Variants in NTMT1 observed in about 807,000 individuals in gnomAD.
The protein encoded by NTMT1 is N-terminal RCC1 methyltransferase.
A neutral mutation model predicts 17.5 loss-of-function variants in NTMT1; 8 were observed. That is an observed-to-expected ratio of 0.46 (90% CI 0.27 to 0.82). The LOEUF (loss-of-function observed/expected upper bound fraction) is 0.82. NTMT1 is among the 40% of genes least tolerant of loss of function. NTMT1 has a pLI of 0.15. For missense variants in NTMT1, 221 were observed against 303.5 expected (o/e 0.73, Z 2.02); for synonymous variants, 128 against 126.8 (o/e 1.01, Z -0.06).
upstream of NTMT1, among the ~76,000 whole-genome samples, chr9:129,623,910 C>T (rs4329364): frequency 0.97 from 144,052 of 148,006 alleles, 70,127 homozygotes; most frequent in Middle Eastern, 0.99. Context: ...TCTCCTGCCT[C>T]AGCCTCCCGA....
At chr9:129,611,400 C>T (rs917434453) in intron 1 of NTMT1, among the ~76,000 whole-genome samples, 1 of 152,216 alleles carries the variant, frequency 6.6e-6, no homozygotes, top group African/African-American at 2.4e-5. Context: ...CCTTGTCTTT[C>T]GCCACCTCCT....
chr9:129,615,353 C>T, intron 1 of NTMT1: 1 of 1,009,578 alleles, frequency 9.9e-7, no homozygotes, highest in East Asian at 2.9e-5. Context: ...CAGGCACATC[C>T]TCTGCAGGAT....
chr9:129,610,526 C>G (rs1168550746), intron 1 of NTMT1, among the ~76,000 whole-genome samples: 1 of 151,850 alleles, frequency 6.6e-6, no homozygotes, highest in Non-Finnish European at 1.5e-5. Flanking sequence ...CAGGGCCGGT[C>G]GTGGGCTCGG....
intron 1 of NTMT1, among the ~76,000 whole-genome samples, chr9:129,615,832 C>T (rs879716349): frequency 2.6e-5 from 4 of 152,220 alleles, no homozygotes; most frequent in South Asian, 4.1e-4. Context: ...GGCTCAAGCA[C>T]GCACATACAC....
chr9:129,632,865 G>A lies in NTMT1; in HGVS notation c.162G>A (p.Arg54=). Residue 54 remains arginine (R), a splice_region_variant and synonymous_variant, in exon 2 of 4, where the codon AGG becomes AGA. Transcript: ENST00000372483. ...GGAAGTTTCTGCAGAGGTTTTTGAG[G>A]GTAGGCAGGTCTGGCGTGCTCTCCA... The part of the protein sequence containing the change: ...SSRKFLQRFL[R]EGPNKTGTSC... 6.2e-7 allele frequency: 1 copy of A among 1,613,860 alleles called. No homozygotes were observed. Among genetic ancestry groups the A allele is most frequent in the Non-Finnish European group, 8.5e-7 (1 of 1,179,868 alleles).
At position 129,632,638 on chromosome 9, in the gene NTMT1, T is replaced by C; in HGVS notation, c.-54-12T>C. 6.3e-7 allele frequency: 1 copy of C among 1,593,104 alleles called. No individual in the cohort carries two copies. The highest frequency in any genetic ancestry group is 8.6e-7 in the Non-Finnish European group (1 of 1,165,598). On this transcript the variant is annotated splice_polypyrimidine_tract_variant and intron_variant, in intron 1 of 3. Transcript: ENST00000372483. ...CCCTGGCCCGCTGACTCACGCCCCC[T>C]TCCTTACCCAGGAGAGTCGCGGTTG... is the stretch of plus-strand genomic sequence containing the variant.
chr9:129,634,000 C>T, intron 2 of NTMT1, 54 bp from the exon 3 acceptor site: 1 of 1,568,534 alleles, frequency 6.4e-7, no homozygotes, highest in East Asian at 2.3e-5. Context: ...TGAGGAAGGG[C>T]CGCACGTGCG....
upstream of NTMT1, among the ~76,000 whole-genome samples, chr9:129,621,644 A>G (rs2118898884): frequency 6.6e-6 from 1 of 152,330 alleles, no homozygotes; most frequent in East Asian, 1.9e-4. Flanking sequence ...CTGGGATCAC[A>G]GGCGTGAGTC....
chr9:129,621,073 A>ACGGCATCAC (rs1246749648), intron 1 of NTMT1, among the ~76,000 whole-genome samples: 1 of 152,192 alleles, frequency 6.6e-6, no homozygotes, highest in African/African-American at 2.4e-5. Flanking sequence ...CAGCCGTGAA[A>ACGGCATCAC]CGGCATCACC....
chr9:129,630,588 A>G (rs1306069219), intron 1 of NTMT1, among the ~76,000 whole-genome samples: 1 of 151,950 alleles, frequency 6.6e-6, no homozygotes, highest in Non-Finnish European at 1.5e-5. Context: ...CCTGGGTCTT[A>G]AGCTTTGAGT....
chr9:129,632,541 C>G, intron 1 of NTMT1, 109 bp from the exon 2 acceptor site: 1 of 741,760 alleles, frequency 1.3e-6, no homozygotes, highest in Admixed American at 2.9e-5. Flanking sequence ...TCTCTCTGCA[C>G]TCAGCAGGAT....
chr9:129,634,878 C>CAA (rs1349404057), intron 3 of NTMT1: 1 of 332,456 alleles, frequency 3.0e-6, no homozygotes, highest in Non-Finnish European at 5.6e-6. Flanking sequence ...CCTGCAATGC[C>CAA]AAACTCTTAG....
chr9:129,632,540 A>C (rs1831223716), intron 1 of NTMT1, 110 bp from the exon 2 acceptor site: 16 of 729,906 alleles, frequency 2.2e-5, no homozygotes, highest in Middle Eastern at 3.9e-4. Context: ...TTCTCTCTGC[A>C]CTCAGCAGGA....
At position 129,635,584 on chromosome 9, in the gene NTMT1, G is replaced by A. The variant is rs1349540502; in HGVS notation, c.*120G>A. On this transcript the variant is annotated 3_prime_UTR_variant, in exon 4 of 4. Transcript: ENST00000372483. The stretch of plus-strand genomic sequence containing the variant: ...TGTCGAGGCACCACTAAATATAGCT[G>A]TCTGCCGTCCACTCATTATGCGGGC... 2 of 1,222,658 alleles carry A rather than the reference G, an allele frequency of 1.6e-6. No individual in the cohort carries two copies. Among genetic ancestry groups the A allele is most frequent in the Non-Finnish European group, 2.3e-6 (2 of 876,428 alleles). The allele number at this position is 1,222,658 out of a possible 1,614,324, so 75.7% of individuals were successfully genotyped here. A position where few individuals can be genotyped will look rare whatever the true frequency, so the allele number is the denominator to read the frequency against.
Position 129,632,681 on chromosome 9 carries a change from G to C in NTMT1, c.-23G>C. 2 of 1,613,128 alleles carry C rather than the reference G, an allele frequency of 1.2e-6. No individual in the cohort carries two copies. The highest frequency in any genetic ancestry group is 1.7e-6 in the Non-Finnish European group (2 of 1,179,204). Reference sequence around the variant, plus strand: ...CGCGGTTGCTGATCGTGGTGCTTGAGTAGAGCCGTGGTTGGTGACAGCATG... The same window carrying C: ...CGCGGTTGCTGATCGTGGTGCTTGACTAGAGCCGTGGTTGGTGACAGCATG... On this transcript the variant is annotated 5_prime_UTR_variant, in exon 2 of 4. Transcript: ENST00000372483.
intron 1 of NTMT1, chr9:129,612,211 G>A: frequency 1.5e-6 from 1 of 684,504 alleles, no homozygotes; most frequent in South Asian, 1.8e-5. Context: ...CAGCAACCAG[G>A]TACCCAGAAA....
chr9:129,631,520 G>T (rs2118952993), intron 1 of NTMT1, among the ~76,000 whole-genome samples: 1 of 152,298 alleles, frequency 6.6e-6, no homozygotes. Context: ...TTCTACCGTG[G>T]CAACCGTCTC....
chr9:129,615,561 C>T (rs746264906), intron 1 of NTMT1: 45 of 1,609,840 alleles, frequency 2.8e-5, no homozygotes, highest in Non-Finnish European at 3.5e-5. Flanking sequence ...GAAAGGGCAA[C>T]GCTGCCTGCA....
In NTMT1 at chr9:129,635,128, C is replaced by G. The variant is rs1831457010; in HGVS notation, c.416-80C>G. The G allele has an allele frequency of 7.3e-6, 11 of 1,510,562 alleles. No homozygotes were observed. The South Asian group carries it at 1.2e-4, about 17-fold the overall frequency. The allele number at this position is 1,510,562 out of a possible 1,614,324, so 93.6% of individuals were successfully genotyped here. A position where few individuals can be genotyped will look rare whatever the true frequency, so the allele number is the denominator to read the frequency against. Reference sequence around the variant, plus strand: ...TGCTGGGCACAAATGAGGGGCTCAGCGGGGCTGAGAAGTACATCCCATCCA... The same window carrying G: ...TGCTGGGCACAAATGAGGGGCTCAGGGGGGCTGAGAAGTACATCCCATCCA... On this transcript the variant is annotated intron_variant, in intron 3 of 3. Transcript: ENST00000372483.
Sources: allele counts gnomAD v4.1 joint callset (sites outside exome capture counted in the v4.1 genomes callset), GRCh38; gene constraint gnomAD v4.1.1; transcripts MANE v1.5; gene names NCBI Gene and HGNC (gene_info 2026-07-23, HGNC 2026-07-21).